The following FOXP1 variants were observed in gnomAD, a reference collection of about 807,000 sequenced individuals.
The protein encoded by FOXP1 is forkhead box P1.
FOXP1 carries 15 observed loss-of-function variants against 98.2 expected under a neutral mutation model. The observed-to-expected ratio is 0.15, with a 90% CI of 0.10 to 0.24. The LOEUF (loss-of-function observed/expected upper bound fraction) is 0.24, where lower values mean the gene tolerates loss of function less well. Ranked by LOEUF, FOXP1 falls within the 10% of genes least tolerant of loss-of-function variation. FOXP1 has a pLI of 1.00. For synonymous variants in FOXP1, 371 were observed against 314.5 expected, an observed-to-expected ratio of 1.18 and a Z score of -1.90; for missense variants, 633 against 848.5, an observed-to-expected ratio of 0.75 and a Z score of 3.15.
intron 13 of FOXP1, among the ~76,000 whole-genome samples, chr3:70,998,519 G>A (rs1383567863): frequency 3.9e-5 from 6 of 152,242 alleles, no homozygotes; most frequent in South Asian, 4.1e-4. Flanking sequence ...AATGGAACAC[G>A]TCAGAATTAG....
At chr3:71,180,722 C>T (rs2108278226) in intron 6 of FOXP1, among the ~76,000 whole-genome samples, 1 of 152,262 alleles carries the variant, frequency 6.6e-6, no homozygotes, top group East Asian at 1.9e-4. Context: ...CATATACAAA[C>T]ATTTTGCTAA....
chr3:71,211,619 G>A (rs1050299423), intron 5 of FOXP1, among the ~76,000 whole-genome samples: 4 of 152,158 alleles, frequency 2.6e-5, no homozygotes, highest in Admixed American at 1.3e-4. Context: ...TATATAAGCT[G>A]TTCAACAAAT....
rs188280694 is a variant in FOXP1, at chr3:70,979,640, G to A, written c.1147-1611C>T. Among the ~76,000 whole-genome samples the A allele has an allele frequency of 2.6e-5, 4 of 152,160 alleles. No homozygotes were observed. In the East Asian group the frequency reaches 7.7e-4, roughly 29 times the overall value. ...ATTTCACCAAGTCTAATTCACCATT[G>A]CTATAGTCAGTCTTAAGTACAAGGC... is the stretch of plus-strand genomic sequence containing the variant. On this transcript the variant is annotated intron_variant, in intron 14 of 20. Coordinates refer to ENST00000649528, the MANE Select transcript of FOXP1 (RefSeq NM_001349338.3).
chr3:71,019,833 TCC>T (rs79746889), intron 11 of FOXP1, among the ~76,000 whole-genome samples: 11 of 147,192 alleles, frequency 7.5e-5, no homozygotes, highest in Non-Finnish European at 1.4e-4. Context: ...CGAGACACGG[TCC>T]CCCCCCCAAA....
chr3:71,389,254 C>CGGGGG (rs1560413261), intron 3 of FOXP1, among the ~76,000 whole-genome samples: 10 of 6,062 alleles, frequency 1.6e-3, no homozygotes, highest in African/African-American at 3.6e-3. Flanking sequence ...GGGGGGGGGC[C>CGGGGG]GGGGGGGGCG....
At chr3:71,491,681 T>C (rs888466947) in intron 3 of FOXP1, among the ~76,000 whole-genome samples, 1 of 152,202 alleles carries the variant, frequency 6.6e-6, no homozygotes, top group Non-Finnish European at 1.5e-5. Context: ...GTTAACAAAC[T>C]GTGGCAGGAA....
At chr3:71,556,839 CA>C (rs1484174118) in intron 2 of FOXP1, among the ~76,000 whole-genome samples, 4 of 151,838 alleles carry the variant, frequency 2.6e-5, no homozygotes, top group Admixed American at 2.6e-4. Flanking sequence ...GTATGTACTA[CA>C]ATGTTCACTG....
intron 5 of FOXP1, among the ~76,000 whole-genome samples, chr3:71,217,321 C>A (rs2065018620): frequency 1.3e-5 from 2 of 152,142 alleles, no homozygotes; most frequent in South Asian, 4.1e-4. Context: ...GATCCACCCG[C>A]CTTGGCCTCG....
At chr3:71,397,012 A>ATATATATACATATATATGTG (rs2081495302) in intron 3 of FOXP1, among the ~76,000 whole-genome samples, 1 of 33,652 alleles carries the variant, frequency 3.0e-5, no homozygotes, top group African/African-American at 1.3e-4. Flanking sequence ...ATATGTGTAT[A>ATATATATACATATATATGTG]TATATATATA....
chr3:71,408,477 C>T (rs1437030837), intron 3 of FOXP1, among the ~76,000 whole-genome samples: 4 of 152,140 alleles, frequency 2.6e-5, no homozygotes, highest in Non-Finnish European at 5.9e-5. Context: ...CCATGAATGT[C>T]CAGCAGGAAT....
intron 5 of FOXP1, among the ~76,000 whole-genome samples, chr3:71,202,347 A>G (rs2063729771): frequency 6.6e-6 from 1 of 152,234 alleles, no homozygotes. Context: ...TCCCACACCA[A>G]TCAGGAGAAA....
chr3:71,113,149 C>T (rs937807709), intron 6 of FOXP1, among the ~76,000 whole-genome samples: 11 of 152,032 alleles, frequency 7.2e-5, no homozygotes, highest in Non-Finnish European at 1.3e-4. Context: ...ATGGATTAGG[C>T]TACGTAGAAA....
At chr3:71,042,569 CAT>C (rs2048495234) in intron 10 of FOXP1, among the ~76,000 whole-genome samples, 1 of 152,124 alleles carries the variant, frequency 6.6e-6, no homozygotes, top group South Asian at 2.1e-4. Flanking sequence ...GAAAAGAAAA[CAT>C]AAACCCTGCA....
chr3:71,547,307 C>T (rs1009665230), intron 2 of FOXP1, among the ~76,000 whole-genome samples: 3 of 152,166 alleles, frequency 2.0e-5, no homozygotes, highest in Admixed American at 6.5e-5. Context: ...GATCAAGGAA[C>T]AAACAGTGCA....
At chr3:71,100,339 C>T (rs149828200) in intron 7 of FOXP1, among the ~76,000 whole-genome samples, 113 of 152,348 alleles carry the variant, frequency 7.4e-4, no homozygotes, top group Non-Finnish European at 1.2e-3. Flanking sequence ...AATCCCTTTA[C>T]GCTCTCAAAC....
At chr3:71,096,888 T>C (rs371778219) in intron 7 of FOXP1, among the ~76,000 whole-genome samples, 1 of 152,210 alleles carries the variant, frequency 6.6e-6, no homozygotes. Context: ...AAATTACTAG[T>C]TTCACCATTA....
chr3:71,261,094 C>A (rs1012843068), intron 5 of FOXP1, among the ~76,000 whole-genome samples: 4 of 152,018 alleles, frequency 2.6e-5, no homozygotes, highest in African/African-American at 9.7e-5. Flanking sequence ...CAGAAAGAGC[C>A]CCCGATAATA....
intron 17 of FOXP1, among the ~76,000 whole-genome samples, chr3:70,975,420 T>C (rs2037290467): frequency 6.6e-6 from 1 of 152,188 alleles, no homozygotes; most frequent in African/African-American, 2.4e-5. Flanking sequence ...CCATAATGGA[T>C]ATTCACAGCT....
chr3:71,008,035 C>A (rs925654214), intron 12 of FOXP1, among the ~76,000 whole-genome samples: 1 of 152,086 alleles, frequency 6.6e-6, no homozygotes, highest in Non-Finnish European at 1.5e-5. Flanking sequence ...AAAAAAAATT[C>A]TTTTCAAATA....
Sources: allele counts gnomAD v4.1 joint callset (sites outside exome capture counted in the v4.1 genomes callset), GRCh38; gene constraint gnomAD v4.1.1; transcripts MANE v1.5; gene names NCBI Gene and HGNC (gene_info 2026-07-23, HGNC 2026-07-21).